The following HDAC5 variants were observed in gnomAD, a reference collection of about 807,000 sequenced individuals.
HDAC5 encodes antigen NY-CO-9.
HDAC5 carries 25 observed loss-of-function variants against 133.3 expected under a neutral mutation model. That is an observed-to-expected ratio of 0.19 (90% CI 0.14 to 0.26). HDAC5 has a LOEUF of 0.26. Ranked by LOEUF, HDAC5 falls within the 10% of genes least tolerant of loss-of-function variation. HDAC5 has a pLI of 1.00. For missense variants in HDAC5, 1,041 were observed against 1,460.5 expected (o/e 0.71, Z 4.68); for synonymous variants, 589 against 610.8 (o/e 0.96, Z 0.53).
chr17:44,098,257 G>T (rs534472743), intron 3 of HDAC5, among the ~76,000 whole-genome samples: 1 of 152,214 alleles, frequency 6.6e-6, no homozygotes, highest in South Asian at 2.1e-4. Flanking sequence ...AGCCTGGCAT[G>T]AGCAGAGCAG....
Position 44,091,224 on chromosome 17 carries a change from G to C in HDAC5, c.1387+46C>G, listed in dbSNP as rs777653766. 1.4e-5 allele frequency: 20 copies of C among 1,428,896 alleles called. No homozygotes were observed. In the East Asian group the frequency reaches 4.3e-4, roughly 31 times the overall value. The allele number at this position is 1,428,896 out of a possible 1,614,324, so 88.5% of individuals were successfully genotyped here. On this transcript the variant is annotated intron_variant, in intron 11 of 26. Transcript: ENST00000682912. ...GGTTGGAGAGTATCCCTGACAGTTG[G>C]TCCTGACCTTAGCCCCCTCCCTTGC...
intron 15 of HDAC5, 143 bp from the exon 16 acceptor site, chr17:44,084,818 G>T: frequency 1.5e-6 from 2 of 1,299,178 alleles, no homozygotes; most frequent in Non-Finnish European, 2.1e-6. Flanking sequence ...GCTCTGTCAT[G>T]ACCTTACTCC....
At chr17:44,123,447 C>T (rs1176185580) in intron 1 of HDAC5, 57 bp downstream of exon 1, 2 of 362,830 alleles carry the variant, frequency 5.5e-6, no homozygotes, top group Admixed American at 4.7e-5. Context: ...GAGGGGGCGC[C>T]GCCTCGCGTC....
At chr17:44,113,671 T>C (rs1358655182) in intron 2 of HDAC5, among the ~76,000 whole-genome samples, 1 of 152,146 alleles carries the variant, frequency 6.6e-6, no homozygotes, top group Non-Finnish European at 1.5e-5. Context: ...GAGCCAGGAC[T>C]GTCTTCCCCA....
chr17:44,092,789 G>T lies in HDAC5; in HGVS notation c.659C>A (p.Ser220Tyr). 1.5e-6 allele frequency: 1 copy of T among 653,412 alleles called. No homozygotes were observed. The highest frequency in any genetic ancestry group is 2.2e-6 in the Non-Finnish European group (1 of 465,110). The allele number at this position is 653,412 out of a possible 1,614,324, so 40.5% of individuals were successfully genotyped here. A position where few individuals can be genotyped will look rare whatever the true frequency, so the allele number is the denominator to read the frequency against. Reference protein sequence around the residue: ...HPKCWGAHHASLDQSSPPQSG... With the variant: ...HPKCWGAHHAYLDQSSPPQSG... ...CTGGGGAGGGGAACTCTGGTCCAAA[G>T]AAGCATGGTGGGCTCCCCTGGGGTG... Residue 220 changes from serine to tyrosine, a missense_variant, in exon 7 of 27, where the codon TCT (serine) becomes TAT (tyrosine). Transcript: ENST00000682912.
At chr17:44,081,571 CTT>C (rs1330322186) in intron 20 of HDAC5, 1 of 143,276 alleles carries the variant, frequency 7.0e-6, no homozygotes, top group Non-Finnish European at 1.5e-5. Context: ...TTTCCTTTTT[CTT>C]TTCTTTCTTT....
chr17:44,108,309 C>T (rs1172899462), intron 3 of HDAC5, among the ~76,000 whole-genome samples: 4 of 152,158 alleles, frequency 2.6e-5, no homozygotes, highest in African/African-American at 9.6e-5. Flanking sequence ...GAATAGAGCC[C>T]AGGAATCCTG....
chr17:44,110,910 C>G (rs1277934052), intron 2 of HDAC5, 110 bp from the exon 3 acceptor site: 10 of 900,744 alleles, frequency 1.1e-5, no homozygotes, highest in Admixed American at 4.1e-5. Flanking sequence ...AGGCGGGGAG[C>G]AGACCGAAGG....
intron 3 of HDAC5, among the ~76,000 whole-genome samples, chr17:44,096,639 A>G (rs941834801): frequency 6.6e-6 from 1 of 151,586 alleles, no homozygotes; most frequent in African/African-American, 2.4e-5. Flanking sequence ...ACGCTCAGCT[A>G]ATTTTTTTGT....
chr17:44,119,369 G>T (rs2052844043), intron 1 of HDAC5, among the ~76,000 whole-genome samples: 1 of 152,330 alleles, frequency 6.6e-6, no homozygotes, highest in South Asian at 2.1e-4. Context: ...ACAGTGAGAG[G>T]CACCTCCACA....
At position 44,078,581 on chromosome 17, in the gene HDAC5, G is replaced by A; in HGVS notation, c.3248C>T (p.Ala1083Val). Reference sequence around the variant, plus strand: ...CAAGGCCATGGCGCTCACAGTCTCGGCCTCCTCGGTCTCACCTGCTTGGGC... The same window carrying A: ...CAAGGCCATGGCGCTCACAGTCTCGACCTCCTCGGTCTCACCTGCTTGGGC... ...REAQAGETEE[A>V]ETVSAMALLS... Residue 1083 changes from alanine to valine, a missense_variant, in exon 26 of 27, where the codon GCC becomes GTC. Physicochemically the swap from Ala to Val is moderately conservative, Grantham distance 64 (BLOSUM62 0). Coordinates refer to ENST00000682912, the MANE Select transcript of HDAC5 (RefSeq NM_005474.5). 3 of 1,610,372 alleles carry A rather than the reference G, an allele frequency of 1.9e-6. No individual in the cohort carries two copies. The highest frequency in any genetic ancestry group is 2.5e-6 in the Non-Finnish European group (3 of 1,179,970).
At position 44,091,815 on chromosome 17, in the gene HDAC5, C is replaced by A; in HGVS notation, c.1049G>T (p.Arg350Leu). 1 of 1,574,414 alleles carries A rather than the reference C, an allele frequency of 6.4e-7. No homozygotes were observed. The highest frequency in any genetic ancestry group is 1.9e-5 in the Admixed American group (1 of 52,652). The change falls in exon 10 of 27, where the codon CGA becomes CTA. Residue 350 changes from arginine (R) to leucine (L), a missense_variant. Arg to Leu is a moderately radical substitution (Grantham distance 102). This residue lies in a region of HDAC5 where 433 missense variants were observed against 531.6 expected (regional missense o/e 0.81). Transcript: ENST00000682912. Reference sequence around the variant, plus strand: ...GGGGGAGCTGTCCAGAGGGAGGGCTCGGTGCTGAGGGAGCATCTGGGGAGC... The same window carrying A: ...GGGGGAGCTGTCCAGAGGGAGGGCTAGGTGCTGAGGGAGCATCTGGGGAGC... ...NIPTEMLPQH[R>L]ALPLDSSPNQ...
intron 13 of HDAC5, among the ~76,000 whole-genome samples, chr17:44,087,183 CAG>C (rs2050704143): frequency 6.6e-6 from 1 of 151,774 alleles, no homozygotes; most frequent in African/African-American, 2.4e-5. Flanking sequence ...ATCACAGACA[CAG>C]GGAGGGAACT....
intron 9 of HDAC5, 112 bp downstream of exon 9, chr17:44,092,060 G>T: frequency 9.9e-7 from 1 of 1,015,222 alleles, no homozygotes; most frequent in Admixed American, 2.6e-5. Flanking sequence ...CATGTGGGCA[G>T]AGAGGTCTCT....
At chr17:44,086,783 C>A in intron 13 of HDAC5, 46 bp from the exon 14 acceptor site, 1 of 1,265,222 alleles carries the variant, frequency 7.9e-7, no homozygotes. Context: ...TCAGCCAGGA[C>A]AGGGGTGAGG....
chr17:44,099,458 G>C (rs2051453862), intron 3 of HDAC5, among the ~76,000 whole-genome samples: 2 of 152,008 alleles, frequency 1.3e-5, no homozygotes, highest in Admixed American at 1.3e-4. Context: ...AGTGGGTGGG[G>C]CTGTGTGTGT....
chr17:44,123,506 G>A lies in HDAC5; in HGVS notation c.-192C>T, dbSNP rs2053141260. ...CTGGGCCGGGGCGGCGCGCTCACCC[G>A]CTGCGGCTCGAGCTCCGGCTTCGCG... On this transcript the variant is annotated splice_region_variant and 5_prime_UTR_variant, in exon 1 of 27. Transcript: ENST00000682912. 2.6e-6 allele frequency: 1 copy of A among 384,930 alleles called. No individual in the cohort carries two copies. The highest frequency in any genetic ancestry group is 4.6e-6 in the Non-Finnish European group (1 of 218,030). 23.8% of individuals were successfully genotyped at this position (384,930 alleles called of 1,614,324 possible).
chr17:44,111,706 T>A, intron 2 of HDAC5: 1 of 513,960 alleles, frequency 1.9e-6, no homozygotes, highest in South Asian at 1.4e-5. Context: ...GAGAGGTGCC[T>A]CCCCACCCCT....
At chr17:44,108,723 T>G (rs1460977313) in intron 3 of HDAC5, among the ~76,000 whole-genome samples, 1 of 146,032 alleles carries the variant, frequency 6.8e-6, no homozygotes, top group Non-Finnish European at 1.5e-5. Context: ...GTGTTTCTAT[T>G]TGAAACATCT....
Sources: allele counts gnomAD v4.1 joint callset (sites outside exome capture counted in the v4.1 genomes callset), GRCh38; gene constraint gnomAD v4.1.1; regional missense constraint gnomAD v4.1.1; transcripts MANE v1.5; gene names NCBI Gene and HGNC (gene_info 2026-07-23, HGNC 2026-07-21).